Variants in ORC5 observed in about 807,000 individuals in gnomAD.
ORC5 encodes the protein origin recognition complex subunit 5.
A neutral mutation model predicts 58.8 loss-of-function variants in ORC5; 39 were observed. The observed-to-expected ratio is 0.66, with a 90% confidence interval of 0.51 to 0.87. The LOEUF is 0.87. ORC5 is among the 40% of genes least tolerant of loss of function. ORC5 has a pLI of 0.00. For missense variants in ORC5, 493 were observed against 506.3 expected (o/e 0.97, Z 0.25); for synonymous variants, 218 against 177.6 (o/e 1.23, Z -1.81).
At chr7:104,154,405 TTTA>T (rs964038616) in intron 12 of ORC5, among the ~76,000 whole-genome samples, 1 of 152,044 alleles carries the variant, frequency 6.6e-6, no homozygotes, top group Non-Finnish European at 1.5e-5. Flanking sequence ...AAAACTCTTA[TTTA>T]TTCACTTTAA....
intron 6 of ORC5, among the ~76,000 whole-genome samples, chr7:104,185,498 C>T (rs75478342): frequency 0.045 from 6,779 of 152,170 alleles, 499 homozygotes; most frequent in African/African-American, 0.15. Flanking sequence ...TTCTCATAAA[C>T]TAAACATCAT....
chr7:104,174,561 C>G (rs1799282428), intron 8 of ORC5, among the ~76,000 whole-genome samples: 1 of 152,144 alleles, frequency 6.6e-6, no homozygotes, highest in South Asian at 2.1e-4. Flanking sequence ...GGAGAAGGCT[C>G]CCCCTACCCC....
At chr7:104,189,375 G>T (rs1799622437) in intron 5 of ORC5, among the ~76,000 whole-genome samples, 1 of 152,024 alleles carries the variant, frequency 6.6e-6, no homozygotes, top group African/African-American at 2.4e-5. Context: ...TCAGTATCTT[G>T]AGAACAGCAT....
intron 5 of ORC5, among the ~76,000 whole-genome samples, chr7:104,189,929 A>G (rs10263828): frequency 0.1 from 15,352 of 152,132 alleles, 2,561 homozygotes; most frequent in African/African-American, 0.35. Flanking sequence ...GGTGTCTGAA[A>G]TGCTAATATT....
intron 8 of ORC5, among the ~76,000 whole-genome samples, chr7:104,178,601 T>C (rs1025422084): frequency 6.6e-6 from 1 of 152,186 alleles, no homozygotes; most frequent in Non-Finnish European, 1.5e-5. Flanking sequence ...TTTGTTGCAA[T>C]TGCTTTTGGT....
intron 13 of ORC5, among the ~76,000 whole-genome samples, chr7:104,132,115 C>G (rs1207317520): frequency 6.6e-6 from 1 of 152,064 alleles, no homozygotes; most frequent in Non-Finnish European, 1.5e-5. Context: ...ATGACTTCTA[C>G]TTCATCATAC....
intron 12 of ORC5, among the ~76,000 whole-genome samples, chr7:104,143,043 CT>C (rs1315357144): frequency 1.3e-5 from 2 of 152,130 alleles, no homozygotes; most frequent in Non-Finnish European, 2.9e-5. Context: ...AGTATATTAA[CT>C]TCAACCCTTT....
intron 10 of ORC5, among the ~76,000 whole-genome samples, chr7:104,166,526 A>G (rs551614690): frequency 6.6e-6 from 1 of 152,304 alleles, no homozygotes; most frequent in Admixed American, 6.5e-5. Flanking sequence ...ACAAAACCCT[A>G]TGTATTTTTT....
At position 104,166,893 on chromosome 7, in the gene ORC5, C is replaced by T. The variant is rs542453845; in HGVS notation, c.878-9G>A. ...AGTATGCGCTGAGAGGCCTATATAA[C>T]AAAACACTTTGATGAAGTACTTATT... On this transcript the variant is annotated splice_polypyrimidine_tract_variant and intron_variant, in intron 9 of 13. Coordinates refer to ENST00000297431, the MANE Select transcript of ORC5 (RefSeq NM_002553.4). The T allele has an allele frequency of 2.0e-6, 3 of 1,480,024 alleles. No individual in the cohort carries two copies. The highest frequency in any genetic ancestry group is 2.8e-6 in the Non-Finnish European group (3 of 1,066,058). 91.7% of individuals were successfully genotyped at this position (1,480,024 alleles called of 1,614,324 possible). A position where few individuals can be genotyped will look rare whatever the true frequency, so the allele number is the denominator to read the frequency against.
intron 1 of ORC5, 88 bp from the exon 2 acceptor site, chr7:104,204,322 A>T: frequency 1.3e-6 from 1 of 771,706 alleles, no homozygotes; most frequent in Non-Finnish European, 2.2e-6. Flanking sequence ...TACGTGGAAA[A>T]GTGAAATATT....
chr7:104,142,278 T>C (rs1798685766), intron 12 of ORC5, among the ~76,000 whole-genome samples: 1 of 151,946 alleles, frequency 6.6e-6, no homozygotes, highest in Non-Finnish European at 1.5e-5. Flanking sequence ...CATGAAACAA[T>C]AAAATTCCTA....
chr7:104,188,228 ATT>A lies in ORC5; in HGVS notation c.684+21_684+22del, dbSNP rs1799592800. ...CACACACACACACACATATATATAT[ATT>A]CAAGCAAAATGTTCATTTACCAGAT... On this transcript the variant is annotated intron_variant, in intron 6 of 13. Coordinates refer to ENST00000297431, the MANE Select transcript of ORC5 (RefSeq NM_002553.4). 4.5e-6 allele frequency: 7 copies of A among 1,569,290 alleles called. No homozygotes were observed. The Admixed American group carries it at 1.2e-4, about 26-fold the overall frequency.
intron 9 of ORC5, 41 bp downstream of exon 9, chr7:104,168,432 A>C: frequency 1.3e-6 from 2 of 1,598,926 alleles, no homozygotes; most frequent in South Asian, 2.2e-5. Flanking sequence ...AATTAGCTGA[A>C]GAAGTATCTC....
intron 1 of ORC5, among the ~76,000 whole-genome samples, 167 bp from the exon 2 acceptor site, chr7:104,204,401 C>A (rs1050420477): frequency 1.3e-5 from 2 of 152,176 alleles, no homozygotes; most frequent in African/African-American, 4.8e-5. Flanking sequence ...TTGAATTCAA[C>A]TCTAAGCACT....
intron 3 of ORC5, among the ~76,000 whole-genome samples, chr7:104,199,126 C>A (rs1584524639): frequency 6.6e-6 from 1 of 152,054 alleles, no homozygotes; most frequent in East Asian, 1.9e-4. Flanking sequence ...AGAACCTCTA[C>A]TAGGGCAGTA....
intron 12 of ORC5, among the ~76,000 whole-genome samples, chr7:104,147,643 C>T (rs964791793): frequency 4.6e-5 from 7 of 152,060 alleles, no homozygotes; most frequent in South Asian, 2.1e-4. Flanking sequence ...CACAAATGAA[C>T]GTTTCCAAAT....
At chr7:104,128,911 G>A (rs1798470921) in intron 13 of ORC5, among the ~76,000 whole-genome samples, 1 of 150,422 alleles carries the variant, frequency 6.6e-6, no homozygotes, top group South Asian at 2.1e-4. Flanking sequence ...TTTTTTTCTG[G>A]ACTTGGGTGA....
chr7:104,184,496 A>T (rs1006712468), intron 6 of ORC5: 15 of 233,318 alleles, frequency 6.4e-5, no homozygotes, highest in Non-Finnish European at 1.2e-4. Context: ...TATTACTATA[A>T]TAACAAAACA....
intron 8 of ORC5, among the ~76,000 whole-genome samples, chr7:104,173,999 T>C (rs1047787663): frequency 1.4e-4 from 21 of 151,122 alleles, no homozygotes; most frequent in Admixed American, 3.9e-4. Context: ...CGCCCGCCAC[T>C]ACGCCCGGCT....
Sources: allele counts gnomAD v4.1 joint callset (sites outside exome capture counted in the v4.1 genomes callset), GRCh38; gene constraint gnomAD v4.1.1; transcripts MANE v1.5; gene names NCBI Gene and HGNC (gene_info 2026-07-23, HGNC 2026-07-21).